Variants in ERBB4 observed in about 807,000 individuals in gnomAD.
ERBB4 encodes receptor tyrosine-protein kinase erbB-4.
Under a neutral mutation model 158.0 loss-of-function variants are expected in ERBB4, and 42 were observed. The ratio of observed to expected loss-of-function variants is 0.27; its 90% CI spans 0.21 to 0.34. The LOEUF (loss-of-function observed/expected upper bound fraction) is 0.34. Among genes scored for constraint, ERBB4 ranks in the 10% least tolerant of loss-of-function variants. The probability of loss-of-function intolerance (pLI) is 1.00; values close to 1 mark genes in which losing one functional copy is unlikely to be tolerated. For missense variants in ERBB4, 1,333 were observed against 1,624.1 expected, an observed-to-expected ratio of 0.82 and a Z score of 3.08; for synonymous variants, 583 against 558.7, an observed-to-expected ratio of 1.04 and a Z score of -0.61.
intron 20 of ERBB4, among the ~76,000 whole-genome samples, chr2:211,455,916 T>A (rs1559185733): frequency 6.6e-6 from 1 of 152,130 alleles, no homozygotes; most frequent in Non-Finnish European, 1.5e-5. Flanking sequence ...TTCTAAAGAG[T>A]AGCCAGAAGT....
At chr2:212,061,715 C>A (rs1429511115) in intron 2 of ERBB4, among the ~76,000 whole-genome samples, 1 of 148,790 alleles carries the variant, frequency 6.7e-6, no homozygotes, top group African/African-American at 2.5e-5. Flanking sequence ...TTGTTTCTTT[C>A]TTTCTTTTCC....
chr2:212,519,986 T>C (rs1299027448), intron 1 of ERBB4, among the ~76,000 whole-genome samples: 3 of 151,948 alleles, frequency 2.0e-5, no homozygotes, highest in Admixed American at 2.0e-4. Flanking sequence ...AATTTAATTA[T>C]TATACAACAT....
rs1575106767 is a variant in ERBB4 at position 212,538,738 on chromosome 2, G to C, written c.-208C>G. ...CGGGGCCCGAGGAGGGGGCGAGTGT[G>C]AGCGCGTGTGTGCGCGTGTGGGAGT... On this transcript the variant is annotated 5_prime_UTR_variant, in exon 1 of 28. Transcript: ENST00000342788. 2.7e-5 allele frequency: 11 copies of C among 405,630 alleles called. 1 individual carries two copies. In the South Asian group the frequency reaches 6.6e-4, roughly 24 times the overall value. The allele number at this position is 405,630 out of a possible 1,614,324, so 25.1% of individuals were successfully genotyped here. A position where few individuals can be genotyped will look rare whatever the true frequency, so the allele number is the denominator to read the frequency against.
At chr2:211,578,668 A>T (rs1486549864) in intron 19 of ERBB4, among the ~76,000 whole-genome samples, 2 of 152,142 alleles carry the variant, frequency 1.3e-5, no homozygotes, top group Non-Finnish European at 2.9e-5. Context: ...CAGTCATCTG[A>T]TTTTTTAAAC....
chr2:212,412,012 A>T (rs1443423755), intron 1 of ERBB4, among the ~76,000 whole-genome samples: 1 of 152,104 alleles, frequency 6.6e-6, no homozygotes, highest in Admixed American at 6.6e-5. Flanking sequence ...TCCAAAATAA[A>T]GGCAATTAGT....
chr2:211,521,778 T>C (rs2066191736), intron 20 of ERBB4, among the ~76,000 whole-genome samples: 1 of 152,164 alleles, frequency 6.6e-6, no homozygotes, highest in Non-Finnish European at 1.5e-5. Flanking sequence ...TGAAAATCCT[T>C]GGGACTGTAA....
At chr2:212,361,578 G>A (rs11903178) in intron 1 of ERBB4, among the ~76,000 whole-genome samples, 122 of 143,684 alleles carry the variant, frequency 8.5e-4, no homozygotes, top group African/African-American at 3.5e-3. Flanking sequence ...ACTTTCTATA[G>A]TAGAAGACAA....
intron 1 of ERBB4, among the ~76,000 whole-genome samples, chr2:212,472,040 T>C (rs1689140737): frequency 6.6e-6 from 1 of 151,882 alleles, no homozygotes; most frequent in Non-Finnish European, 1.5e-5. Flanking sequence ...TCAACTATCA[T>C]TTTATAACTA....
At chr2:211,611,521 TC>T (rs1157063421) in intron 19 of ERBB4, among the ~76,000 whole-genome samples, 1 of 147,648 alleles carries the variant, frequency 6.8e-6, no homozygotes, top group Admixed American at 6.6e-5. Context: ...CTGCTGTGGT[TC>T]ACGGCTTCAT....
intron 1 of ERBB4, among the ~76,000 whole-genome samples, chr2:212,237,374 C>G (rs2083918168): frequency 6.6e-6 from 1 of 152,128 alleles, no homozygotes; most frequent in African/African-American, 2.4e-5. Flanking sequence ...GAGGTCCACT[C>G]CAGGTCTTGT....
At chr2:212,466,986 G>T (rs1457103224) in intron 1 of ERBB4, among the ~76,000 whole-genome samples, 3 of 146,862 alleles carry the variant, frequency 2.0e-5, no homozygotes, top group African/African-American at 4.9e-5. Context: ...TTATGTTTTA[G>T]CAAAGAGACT....
intron 1 of ERBB4, among the ~76,000 whole-genome samples, chr2:212,411,909 C>T (rs1165757308): frequency 6.6e-6 from 1 of 152,082 alleles, no homozygotes; most frequent in African/African-American, 2.4e-5. Context: ...CAAGATAACA[C>T]CATGCCAGTT....
At chr2:212,438,445 G>A (rs1052761171) in intron 1 of ERBB4, among the ~76,000 whole-genome samples, 14 of 150,520 alleles carry the variant, frequency 9.3e-5, no homozygotes, top group Non-Finnish European at 1.9e-4. Context: ...TGACGGTAAA[G>A]CATAATGCTG....
At position 211,987,330 on chromosome 2, in the gene ERBB4, C is replaced by CAAA. The variant is rs564412801; in HGVS notation, c.235-39717_235-39715dup. On this transcript the variant is annotated intron_variant, in intron 2 of 27. Coordinates refer to ENST00000342788, the MANE Select transcript of ERBB4 (RefSeq NM_005235.3). ...AGGGAGACTCCATCTCAAGAAAAGA[C>CAAA]AAAAAAAAAAAAAAGAAAGAAATCT... Among the ~76,000 whole-genome samples, 9 of 56,182 alleles carry CAAA rather than the reference C, an allele frequency of 1.6e-4. 1 individual carries two copies. Among genetic ancestry groups the CAAA allele is most frequent in the East Asian group, 1.6e-3 (4 of 2,550 alleles). 36.9% of individuals were successfully genotyped at this position (56,182 alleles called of 152,430 possible).
chr2:212,297,880 GATAA>G (rs974536509), intron 1 of ERBB4, among the ~76,000 whole-genome samples: 4 of 151,436 alleles, frequency 2.6e-5, no homozygotes, highest in Non-Finnish European at 4.4e-5. Context: ...ATGAAAAACT[GATAA>G]ATGCAAATTC....
rs188094541 is a variant in ERBB4, at chr2:211,936,366, A to G, written c.421+11064T>C. ...CAAACCTTTGATTTTCACCACAGAGAAAATGAAACTGAGTAAATTGAATGC... is the reference window on the plus strand; with the variant it reads ...CAAACCTTTGATTTTCACCACAGAGGAAATGAAACTGAGTAAATTGAATGC... On this transcript the variant is annotated intron_variant, in intron 3 of 27. Transcript: ENST00000342788. Among the ~76,000 whole-genome samples the G allele has an allele frequency of 2.0e-3, 305 of 152,218 alleles. 4 individuals carry two copies. The South Asian group carries it at 0.025, about 12-fold the overall frequency.
intron 20 of ERBB4, among the ~76,000 whole-genome samples, chr2:211,455,084 G>C (rs1036751693): frequency 6.6e-6 from 1 of 152,192 alleles, no homozygotes; most frequent in African/African-American, 2.4e-5. Context: ...TCTGTCTTTA[G>C]TGTCCGTTTT....
intron 1 of ERBB4, among the ~76,000 whole-genome samples, chr2:212,196,752 C>T (rs1426944772): frequency 6.6e-6 from 1 of 152,022 alleles, no homozygotes; most frequent in African/African-American, 2.4e-5. Flanking sequence ...TGGTTTCATC[C>T]TAAATTCAAA....
In ERBB4 at chr2:211,591,063, T is replaced by C. The variant is rs746931675; in HGVS notation, c.2301+28114A>G. 5.3e-5 allele frequency among the ~76,000 whole-genome samples: 8 copies of C among 152,346 alleles called. No homozygotes were observed. In the South Asian group the frequency reaches 6.2e-4, roughly 12 times the overall value. Reference sequence around the variant, plus strand: ...CTCATGGGGTCTGTTATCACATTGTTAGCACCAAAATGCTAAAACTGTGAA... The same window carrying C: ...CTCATGGGGTCTGTTATCACATTGTCAGCACCAAAATGCTAAAACTGTGAA... On this transcript the variant is annotated intron_variant, in intron 19 of 27. Coordinates refer to ENST00000342788, the MANE Select transcript of ERBB4 (RefSeq NM_005235.3).
Sources: allele counts gnomAD v4.1 joint callset (sites outside exome capture counted in the v4.1 genomes callset), GRCh38; gene constraint gnomAD v4.1.1; transcripts MANE v1.5; gene names NCBI Gene and HGNC (gene_info 2026-07-23, HGNC 2026-07-21).